AFAP1: variants seen among roughly 807,000 people sequenced by gnomAD.
AFAP1 encodes actin filament associated protein 1, also known as actin filament-associated protein 1.
Under a neutral mutation model 93.9 loss-of-function variants are expected in AFAP1, and 75 were observed. The observed-to-expected ratio is 0.80, with a 90% CI of 0.66 to 0.97. AFAP1 has a LOEUF of 0.97. AFAP1 is among the 50% of genes least tolerant of loss of function. The pLI, the probability that AFAP1 is intolerant of heterozygous loss-of-function variation, is 0.00. For synonymous variants in AFAP1, 517 were observed against 430.7 expected (o/e 1.20, Z -2.48); for missense variants, 1,201 against 1,050.8 (o/e 1.14, Z -1.98).
intron 1 of AFAP1, among the ~76,000 whole-genome samples, chr4:7,891,565 T>C (rs1003312673): frequency 1.3e-5 from 2 of 151,922 alleles, no homozygotes; most frequent in East Asian, 1.9e-4. Context: ...GCTAATTCTG[T>C]TTTTCATAAG....
chr4:7,923,627 T>C (rs1720555055), intron 1 of AFAP1, among the ~76,000 whole-genome samples: 1 of 152,188 alleles, frequency 6.6e-6, no homozygotes, highest in African/African-American at 2.4e-5. Context: ...TACAGGCACA[T>C]GCCACCACGC....
At chr4:7,901,027 A>G (rs1000230199) in intron 1 of AFAP1, among the ~76,000 whole-genome samples, 4 of 152,186 alleles carry the variant, frequency 2.6e-5, no homozygotes, top group Admixed American at 2.6e-4. Flanking sequence ...TCCAGCGCAG[A>G]TTTTAGGACT....
chr4:7,868,753 G>A lies in AFAP1; in HGVS notation c.128-34C>T, dbSNP rs1328096319. ...ATTAACCAGAACCACAGAACTGGAT[G>A]AGGATGGGGATGAGAAGGGTACCAC... On this transcript the variant is annotated intron_variant, in intron 2 of 17. Transcript: ENST00000420658. 4 of 1,589,198 alleles carry A rather than the reference G, an allele frequency of 2.5e-6. No individual in the cohort carries two copies. The East Asian group carries it at 6.7e-5, about 27-fold the overall frequency.
At chr4:7,905,557 A>G (rs1441225229) in intron 1 of AFAP1, among the ~76,000 whole-genome samples, 1 of 152,208 alleles carries the variant, frequency 6.6e-6, no homozygotes, top group African/African-American at 2.4e-5. Flanking sequence ...AACTTTTCTA[A>G]AAAGATTTCT....
chr4:7,825,377 G>C (rs1406579140), intron 6 of AFAP1, among the ~76,000 whole-genome samples: 1 of 152,038 alleles, frequency 6.6e-6, no homozygotes, highest in Non-Finnish European at 1.5e-5. Context: ...ACCAAGACGT[G>C]GCCTTTACAA....
intron 6 of AFAP1, among the ~76,000 whole-genome samples, chr4:7,823,565 TC>T (rs1319833273): frequency 6.6e-6 from 1 of 152,106 alleles, no homozygotes; most frequent in Non-Finnish European, 1.5e-5. Context: ...CCCTGGAGTG[TC>T]CCCATCCCTC....
intron 6 of AFAP1, among the ~76,000 whole-genome samples, chr4:7,834,390 A>G (rs1712022676): frequency 6.6e-6 from 1 of 152,232 alleles, no homozygotes; most frequent in African/African-American, 2.4e-5. Flanking sequence ...GGGATAAAAG[A>G]CTACCAACTG....
chr4:7,862,928 T>A (rs1024565129), intron 3 of AFAP1, among the ~76,000 whole-genome samples: 3 of 152,156 alleles, frequency 2.0e-5, no homozygotes, highest in Non-Finnish European at 4.4e-5. Flanking sequence ...AAACGGCGCT[T>A]ATCCATTTAG....
intron 1 of AFAP1, among the ~76,000 whole-genome samples, chr4:7,913,935 T>C (rs1241735044): frequency 6.6e-6 from 1 of 152,218 alleles, no homozygotes; most frequent in African/African-American, 2.4e-5. Flanking sequence ...CATACAGTGA[T>C]GTTATAATAC....
In AFAP1 at chr4:7,843,256, G is replaced by A. The variant is rs775172050; in HGVS notation, c.429C>T (p.Ser143=). 133 of 1,614,006 alleles carry A rather than the reference G, an allele frequency of 8.2e-5. No homozygotes were observed. Among genetic ancestry groups the A allele is most frequent in the African/African-American group, 3.6e-4 (27 of 74,900 alleles). The change falls in exon 5 of 18, where the codon TCC becomes TCT. Residue 143 remains serine (S), a synonymous_variant. Transcript: ENST00000420658. ...TGACCAGGTCCATGGAGGCCTCCTC[G>A]GAGGGCCACTGGTGCCGGGTTTTCT... The part of the protein sequence containing the change: ...KGKKTRHQWP[S]EEASMDLVKD...
intron 12 of AFAP1, among the ~76,000 whole-genome samples, chr4:7,783,881 G>A (rs1454259633): frequency 6.6e-6 from 1 of 152,214 alleles, no homozygotes; most frequent in Non-Finnish European, 1.5e-5. Context: ...GGGGGGGACG[G>A]GCTAGACACA....
intron 1 of AFAP1, among the ~76,000 whole-genome samples, chr4:7,880,925 C>T (rs957978606): frequency 2.6e-5 from 4 of 152,188 alleles, no homozygotes; most frequent in African/African-American, 9.7e-5. Context: ...CATCCATATT[C>T]CCCACAGGCT....
intron 11 of AFAP1, among the ~76,000 whole-genome samples, chr4:7,789,408 T>C (rs1717624487): frequency 6.9e-6 from 1 of 144,358 alleles, no homozygotes; most frequent in Non-Finnish European, 1.5e-5. Flanking sequence ...GCCCCGGCTT[T>C]CCATCCTCTT....
At chr4:7,825,047 G>T (rs961988365) in intron 6 of AFAP1, among the ~76,000 whole-genome samples, 13 of 152,168 alleles carry the variant, frequency 8.5e-5, no homozygotes, top group Admixed American at 1.3e-4. Context: ...TCATGTTAGA[G>T]ACTTGTTAAC....
At chr4:7,894,115 T>TG (rs1318949225) in intron 1 of AFAP1, among the ~76,000 whole-genome samples, 4 of 152,194 alleles carry the variant, frequency 2.6e-5, no homozygotes, top group African/African-American at 9.7e-5. Context: ...TTGGGAACAG[T>TG]GGGGGTTAAA....
chr4:7,766,642 A>G (rs959969214), intron 17 of AFAP1, among the ~76,000 whole-genome samples: 4 of 147,092 alleles, frequency 2.7e-5, no homozygotes, highest in Admixed American at 6.6e-5. Flanking sequence ...AGAGGGTAAC[A>G]GAATCTCCAG....
At chr4:7,846,887 C>T (rs1010777704) in intron 4 of AFAP1, among the ~76,000 whole-genome samples, 17 of 152,280 alleles carry the variant, frequency 1.1e-4, no homozygotes, top group African/African-American at 4.1e-4. Context: ...GGAGCATAGG[C>T]TTGGTGAATG....
Position 7,781,629 on chromosome 4 carries a change from T to G in AFAP1, c.1531-2A>C. On this transcript the variant is annotated splice_acceptor_variant, in intron 12 of 17. Coordinates refer to ENST00000420658, the MANE Select transcript of AFAP1 (RefSeq NM_001134647.2). LOFTEE classifies it high-confidence loss of function. Reference sequence around the variant, plus strand: ...AGGAAAGCCGTCTTCCGGTTCCCACTGCAACACACATAGCTTTGTGGTTAG... The same window carrying G: ...AGGAAAGCCGTCTTCCGGTTCCCACGGCAACACACATAGCTTTGTGGTTAG... 1.3e-6 allele frequency: 2 copies of G among 1,551,710 alleles called. No individual in the cohort carries two copies. Among genetic ancestry groups the G allele is most frequent in the Non-Finnish European group, 1.7e-6 (2 of 1,146,974 alleles).
intron 3 of AFAP1, among the ~76,000 whole-genome samples, chr4:7,867,886 T>C (rs1163410901): frequency 4.6e-5 from 7 of 152,154 alleles, no homozygotes; most frequent in African/African-American, 1.7e-4. Flanking sequence ...GAAACGGCCC[T>C]GCCTTCCCAC....
Sources: allele counts gnomAD v4.1 joint callset (sites outside exome capture counted in the v4.1 genomes callset), GRCh38; gene constraint gnomAD v4.1.1; transcripts MANE v1.5; gene names NCBI Gene and HGNC (gene_info 2026-07-23, HGNC 2026-07-21).